The following GRM7 variants were observed in gnomAD, a reference collection of about 807,000 sequenced individuals.
GRM7 encodes the protein metabotropic glutamate receptor 7.
Under a neutral mutation model 84.5 loss-of-function variants are expected in GRM7, and 35 were observed. The observed-to-expected ratio is 0.41, with a 90% confidence interval of 0.32 to 0.55. The LOEUF (loss-of-function observed/expected upper bound fraction) is 0.55. Ranked by LOEUF, GRM7 falls within the 20% of genes least tolerant of loss-of-function variation. GRM7 has a pLI of 0.19. For synonymous variants in GRM7, 487 were observed against 455.1 expected, an observed-to-expected ratio of 1.07 and a Z score of -0.89; for missense variants, 1,003 against 1,194.6, an observed-to-expected ratio of 0.84 and a Z score of 2.36.
chr3:7,536,635 C>T (rs1217768811), intron 7 of GRM7, among the ~76,000 whole-genome samples: 1 of 152,202 alleles, frequency 6.6e-6, no homozygotes, highest in Non-Finnish European at 1.5e-5. Context: ...ATTGTTTTCT[C>T]TCTTGGATCA....
intron 2 of GRM7, among the ~76,000 whole-genome samples, chr3:7,158,738 G>C (rs993271365): frequency 2.0e-5 from 3 of 152,136 alleles, no homozygotes. Context: ...GTAAAATTCT[G>C]GCATCTCCAG....
intron 2 of GRM7, among the ~76,000 whole-genome samples, chr3:7,260,628 TA>T (rs1447319010): frequency 6.6e-6 from 1 of 151,414 alleles, no homozygotes; most frequent in Non-Finnish European, 1.5e-5. Flanking sequence ...GTCTATTTTA[TA>T]AATTTTTCAA....
chr3:7,259,752 C>T (rs1698339260), intron 2 of GRM7, among the ~76,000 whole-genome samples: 1 of 152,078 alleles, frequency 6.6e-6, no homozygotes, highest in Non-Finnish European at 1.5e-5. Flanking sequence ...TGAACATATG[C>T]AGCATGCTTG....
intron 8 of GRM7, among the ~76,000 whole-genome samples, chr3:7,596,399 T>C (rs1696045681): frequency 6.6e-6 from 1 of 152,128 alleles, no homozygotes; most frequent in Non-Finnish European, 1.5e-5. Context: ...ATTATCAGAC[T>C]GCAAATGATA....
chr3:7,525,747 C>T (rs1700780060), intron 7 of GRM7, among the ~76,000 whole-genome samples: 1 of 152,044 alleles, frequency 6.6e-6, no homozygotes, highest in Non-Finnish European at 1.5e-5. Context: ...CTAGTGGTCT[C>T]ACCTTTATGT....
chr3:7,079,683 G>A (rs1698216229), intron 1 of GRM7, among the ~76,000 whole-genome samples: 1 of 152,134 alleles, frequency 6.6e-6, no homozygotes, highest in African/African-American at 2.4e-5. Context: ...ATAAGGGTGA[G>A]TTTACCTGTG....
chr3:7,055,286 C>A (rs1029615356), intron 1 of GRM7, among the ~76,000 whole-genome samples: 2 of 151,452 alleles, frequency 1.3e-5, no homozygotes, highest in Non-Finnish European at 2.9e-5. Flanking sequence ...ACTGTTAATA[C>A]CAATAACTAT....
chr3:6,929,110 C>T (rs976637490), intron 1 of GRM7, among the ~76,000 whole-genome samples: 4 of 152,160 alleles, frequency 2.6e-5, no homozygotes, highest in Non-Finnish European at 4.4e-5. Context: ...TATTATAACA[C>T]AAGCCAAGTT....
rs1288700954 is a variant in GRM7, at chr3:7,359,970, T to A, written c.1033+53318T>A. ...AAGTAAAGACTATTAGTTACTAAGCTTTTTAGGAGACATAAGTTACCAGCA... is the reference window on the plus strand; with the variant it reads ...AAGTAAAGACTATTAGTTACTAAGCATTTTAGGAGACATAAGTTACCAGCA... On this transcript the variant is annotated intron_variant, in intron 4 of 9. Transcript: ENST00000357716. 2.7e-5 allele frequency among the ~76,000 whole-genome samples: 4 copies of A among 148,432 alleles called. 1 individual carries two copies. The highest frequency in any genetic ancestry group is 1.0e-4 in the African/African-American group (4 of 39,148).
chr3:7,154,008 G>A (rs1231340968), intron 2 of GRM7, among the ~76,000 whole-genome samples: 3 of 152,182 alleles, frequency 2.0e-5, no homozygotes, highest in Non-Finnish European at 4.4e-5. Context: ...TAGGAAGAGA[G>A]AAGCATGTTA....
intron 4 of GRM7, among the ~76,000 whole-genome samples, chr3:7,358,041 C>G (rs1693486853): frequency 6.6e-6 from 1 of 152,080 alleles, no homozygotes; most frequent in Admixed American, 6.6e-5. Flanking sequence ...TCCCTCTCAT[C>G]CCCTCTTTTC....
chr3:6,924,005 G>T (rs1329317378), intron 1 of GRM7, among the ~76,000 whole-genome samples: 1 of 152,194 alleles, frequency 6.6e-6, no homozygotes, highest in Non-Finnish European at 1.5e-5. Flanking sequence ...GGAGTCAGAA[G>T]ACTTGAGCTT....
At chr3:7,420,788 C>A (rs899396746) in intron 5 of GRM7, among the ~76,000 whole-genome samples, 1 of 152,072 alleles carries the variant, frequency 6.6e-6, no homozygotes, top group Non-Finnish European at 1.5e-5. Flanking sequence ...ATACTAAATC[C>A]TTACAGAAAG....
At chr3:7,000,379 A>C (rs111687100) in intron 1 of GRM7, among the ~76,000 whole-genome samples, 1,701 of 151,846 alleles carry the variant, frequency 0.011, 28 homozygotes, top group African/African-American at 0.039. Flanking sequence ...TAGAGACAGG[A>C]TTTCACCACA....
chr3:7,418,485 A>C (rs1696263734), intron 5 of GRM7, among the ~76,000 whole-genome samples: 1 of 152,204 alleles, frequency 6.6e-6, no homozygotes, highest in African/African-American at 2.4e-5. Flanking sequence ...ATATACACAT[A>C]GTCATCTCTT....
At chr3:7,472,852 C>G (rs1412935981) in intron 7 of GRM7, among the ~76,000 whole-genome samples, 2 of 152,166 alleles carry the variant, frequency 1.3e-5, no homozygotes, top group African/African-American at 4.8e-5. Flanking sequence ...CACTTATGAT[C>G]TTTTATTCCT....
intron 5 of GRM7, among the ~76,000 whole-genome samples, chr3:7,435,775 C>T (rs956105345): frequency 3.4e-5 from 5 of 145,472 alleles, no homozygotes; most frequent in Admixed American, 2.1e-4. Flanking sequence ...GCAAGATCTG[C>T]CTGCCGGGTT....
intron 2 of GRM7, among the ~76,000 whole-genome samples, chr3:7,260,052 T>C (rs1349241477): frequency 6.6e-6 from 1 of 151,442 alleles, no homozygotes; most frequent in Non-Finnish European, 1.5e-5. Context: ...TCAGTGATAT[T>C]GAGCCTTCTT....
chr3:7,284,042 G>A (rs1699342455), intron 2 of GRM7, among the ~76,000 whole-genome samples: 1 of 152,098 alleles, frequency 6.6e-6, no homozygotes, highest in African/African-American at 2.4e-5. Context: ...ACTGAGAGAG[G>A]AAAACATCAT....
Sources: gnomAD v4.1 joint callset for allele counts (sites outside exome capture counted in the v4.1 genomes callset) on GRCh38, gnomAD v4.1.1 for gene constraint, MANE v1.5 for transcripts, NCBI Gene and HGNC (gene_info 2026-07-23, HGNC 2026-07-21) for gene names.